Variants in NTM observed in about 807,000 individuals in gnomAD.
NTM encodes the protein IgLON family member 2.
A neutral mutation model predicts 42.1 loss-of-function variants in NTM; 13 were observed. That is an observed-to-expected ratio of 0.31 (90% confidence interval 0.20 to 0.49). NTM has a LOEUF of 0.49. Ranked by LOEUF, NTM falls within the 20% of genes least tolerant of loss-of-function variation. The probability of loss-of-function intolerance (pLI) is 0.99; values close to 1 mark genes in which losing one functional copy is unlikely to be tolerated. For missense variants in NTM, 373 were observed against 452.8 expected, an observed-to-expected ratio of 0.82 and a Z score of 1.60; for synonymous variants, 187 against 179.2, an observed-to-expected ratio of 1.04 and a Z score of -0.35.
At position 131,607,057 on chromosome 11, in the gene NTM, G is replaced by A. The variant is rs117365312; in HGVS notation, c.82+236169G>A. 1.9e-4 allele frequency among the ~76,000 whole-genome samples: 29 copies of A among 152,314 alleles called. No individual in the cohort carries two copies. The East Asian group carries it at 4.8e-3, about 25-fold the overall frequency. ...AATCCCCTTTGATGCCCTGAGTACCGCAGGATCTGTGTTGCTCAAACCTAG... is the reference window on the plus strand; with the variant it reads ...AATCCCCTTTGATGCCCTGAGTACCACAGGATCTGTGTTGCTCAAACCTAG... On this transcript the variant is annotated intron_variant, in intron 1 of 8. Coordinates refer to ENST00000683400, the MANE Select transcript of NTM (RefSeq NM_001352005.2).
At chr11:131,837,717 ATGCGTGGTGT>A (rs1565613470) in intron 1 of NTM, among the ~76,000 whole-genome samples, 1 of 152,044 alleles carries the variant, frequency 6.6e-6, no homozygotes, top group Admixed American at 6.5e-5. Flanking sequence ...CCCGAGGGCT[ATGCGTGGTGT>A]TGCGGGAGAC....
chr11:131,712,220 G>T lies in NTM; in HGVS notation c.83-199344G>T, dbSNP rs151272588. 5.5e-3 allele frequency among the ~76,000 whole-genome samples: 785 copies of T among 143,646 alleles called. 5 individuals are homozygous for T. Among genetic ancestry groups the T allele is most frequent in the Non-Finnish European group, 9.3e-3 (603 of 64,612 alleles). 94.2% of individuals were successfully genotyped at this position (143,646 alleles called of 152,430 possible). ...CCCCAAAACAAACAAAAAGAAGAAG[G>T]AATGTTTCCAATTGTCTTTGGAAGA... On this transcript the variant is annotated intron_variant, in intron 1 of 8. Coordinates refer to ENST00000683400, the MANE Select transcript of NTM (RefSeq NM_001352005.2).
At chr11:132,268,302 C>T (rs954406426) in intron 4 of NTM, among the ~76,000 whole-genome samples, 1 of 152,120 alleles carries the variant, frequency 6.6e-6, no homozygotes, top group Admixed American at 6.6e-5. Flanking sequence ...ATCTGTGTTG[C>T]ACTCTGCTAG....
chr11:131,594,961 TCTTA>T (rs1347887134), intron 1 of NTM, among the ~76,000 whole-genome samples: 2 of 152,226 alleles, frequency 1.3e-5, no homozygotes, highest in African/African-American at 4.8e-5. Context: ...GGCTCTGTTC[TCTTA>T]CTTATAAAAC....
At chr11:132,135,866 G>A (rs2067812428) in intron 2 of NTM, among the ~76,000 whole-genome samples, 1 of 152,158 alleles carries the variant, frequency 6.6e-6, no homozygotes, top group South Asian at 2.1e-4. Context: ...GTGAGGGAGG[G>A]CTCTGGAATG....
At chr11:132,277,422 TA>T (rs1004557351) in intron 4 of NTM, among the ~76,000 whole-genome samples, 1 of 152,172 alleles carries the variant, frequency 6.6e-6, no homozygotes, top group Non-Finnish European at 1.5e-5. Flanking sequence ...TTGATGAGGA[TA>T]AAAAGAGATG....
rs185001116 is a variant in NTM, at chr11:131,659,810, T to C, written c.83-251754T>C. ...ATCGGGGGACACGTGGCTGCTTTTC[T>C]CTCCAGGGCTTAGCTCTGAGCTGTC... On this transcript the variant is annotated intron_variant, in intron 1 of 8. Transcript: ENST00000683400. Among the ~76,000 whole-genome samples the C allele has an allele frequency of 8.5e-5, 13 of 152,266 alleles. No homozygotes were observed. In the East Asian group the frequency reaches 2.5e-3, roughly 29 times the overall value.
At chr11:132,112,648 G>T (rs183639219) in intron 2 of NTM, among the ~76,000 whole-genome samples, 2 of 151,180 alleles carry the variant, frequency 1.3e-5, no homozygotes, top group Admixed American at 1.3e-4. Context: ...CGTCCCCCCG[G>T]GCTCTCAGAG....
intron 3 of NTM, among the ~76,000 whole-genome samples, chr11:132,200,701 G>T (rs1472807402): frequency 6.6e-6 from 1 of 152,230 alleles, no homozygotes; most frequent in African/African-American, 2.4e-5. Context: ...AGAAATGCAG[G>T]TTTCTGCAGA....
intron 1 of NTM, among the ~76,000 whole-genome samples, chr11:131,785,529 C>A (rs1317146580): frequency 6.6e-6 from 1 of 152,168 alleles, no homozygotes; most frequent in Non-Finnish European, 1.5e-5. Context: ...AAAGAGCATG[C>A]TGGTTTTCTG....
At chr11:131,636,064 AT>A (rs1256992361) in intron 1 of NTM, among the ~76,000 whole-genome samples, 1 of 152,134 alleles carries the variant, frequency 6.6e-6, no homozygotes, top group Non-Finnish European at 1.5e-5. Context: ...CATAGGATGC[AT>A]TTGTTAGAAT....
At chr11:131,637,718 C>A (rs915559226) in intron 1 of NTM, among the ~76,000 whole-genome samples, 5 of 152,010 alleles carry the variant, frequency 3.3e-5, no homozygotes, top group Admixed American at 3.3e-4. Context: ...GCCAAAAGAA[C>A]AAAACCACAC....
chr11:132,011,125 T>C (rs1468339443), intron 2 of NTM, among the ~76,000 whole-genome samples: 1 of 152,014 alleles, frequency 6.6e-6, no homozygotes, highest in Non-Finnish European at 1.5e-5. Context: ...TTATAACAAT[T>C]AGGTCTACAA....
intron 1 of NTM, chr11:131,795,345 G>A: frequency 1.0e-6 from 1 of 971,674 alleles, no homozygotes; most frequent in Non-Finnish European, 1.2e-6. Context: ...TTAATAAGTG[G>A]GAGATGTTAT....
At chr11:132,181,994 T>TTATTATTATTA (rs1163010653) in intron 3 of NTM, among the ~76,000 whole-genome samples, 1 of 74,114 alleles carries the variant, frequency 1.3e-5, no homozygotes, top group Non-Finnish European at 3.4e-5. Flanking sequence ...TATTATTATT[T>TTATTATTATTA]TAATCTAGGA....
chr11:131,651,771 G>T (rs1228600126), intron 1 of NTM, among the ~76,000 whole-genome samples: 7 of 152,120 alleles, frequency 4.6e-5, no homozygotes, highest in African/African-American at 1.7e-4. Context: ...AACGCAGGAG[G>T]CGGAGGCTGC....
chr11:131,483,236 C>T (rs1953802266), intron 1 of NTM, among the ~76,000 whole-genome samples: 1 of 152,166 alleles, frequency 6.6e-6, no homozygotes, highest in Non-Finnish European at 1.5e-5. Flanking sequence ...GAAATACATT[C>T]TGTGGTTCCA....
chr11:132,166,038 A>T (rs1478542748), intron 3 of NTM, among the ~76,000 whole-genome samples: 4 of 152,032 alleles, frequency 2.6e-5, no homozygotes, highest in Non-Finnish European at 5.9e-5. Context: ...GAAAATTTTC[A>T]CCTAAAGCTC....
intron 2 of NTM, among the ~76,000 whole-genome samples, chr11:132,051,847 A>G (rs546775544): frequency 2.0e-5 from 3 of 152,336 alleles, no homozygotes; most frequent in South Asian, 2.1e-4. Flanking sequence ...TGGAGAATGC[A>G]TCAAAGCTGG....
Sources: gnomAD v4.1 joint callset for allele counts (sites outside exome capture counted in the v4.1 genomes callset) on GRCh38, gnomAD v4.1.1 for gene constraint, MANE v1.5 for transcripts, NCBI Gene and HGNC (gene_info 2026-07-23, HGNC 2026-07-21) for gene names.